Variants in SLC17A8 observed in about 807,000 individuals in gnomAD.
SLC17A8 encodes vesicular glutamate transporter 3.
A neutral mutation model predicts 58.0 loss-of-function variants in SLC17A8; 31 were observed. The observed-to-expected ratio is 0.53, with a 90% CI of 0.40 to 0.72. The LOEUF is 0.72. SLC17A8 is among the 30% of genes least tolerant of loss of function. The pLI, the probability that SLC17A8 is intolerant of heterozygous loss-of-function variation, is 0.00. For missense variants in SLC17A8, 655 were observed against 727.8 expected, an observed-to-expected ratio of 0.90 and a Z score of 1.15; for synonymous variants, 228 against 249.0, an observed-to-expected ratio of 0.92 and a Z score of 0.79.
At chr12:100,390,842 C>G (rs571387122) in intron 2 of SLC17A8, among the ~76,000 whole-genome samples, 159 bp from the exon 3 acceptor site, 1 of 152,168 alleles carries the variant, frequency 6.6e-6, no homozygotes, top group South Asian at 2.1e-4. Context: ...CTTTTGCTTG[C>G]TGCTATCCCC....
At chr12:100,407,573 CAT>C (rs1255256063) in intron 9 of SLC17A8, among the ~76,000 whole-genome samples, 1 of 150,862 alleles carries the variant, frequency 6.6e-6, no homozygotes. Context: ...TTTTCATGTT[CAT>C]ATATATATAT....
rs1220263367 is a variant in SLC17A8, at chr12:100,396,570, G to A, written c.676+153G>A. On this transcript the variant is annotated intron_variant, in intron 5 of 11. Transcript: ENST00000323346. ...TCGAGATCAGCCTGGACAATATAGT[G>A]ACACTTCGTCTTTAAAAAAAAAAAA... Among the ~76,000 whole-genome samples, 5 of 150,522 alleles carry A rather than the reference G, an allele frequency of 3.3e-5. No homozygotes were observed. In the East Asian group the frequency reaches 9.8e-4, roughly 29 times the overall value.
chr12:100,396,281 G>T (rs764740432), intron 4 of SLC17A8, 49 bp from the exon 5 acceptor site: 10 of 1,441,272 alleles, frequency 6.9e-6, no homozygotes, highest in Non-Finnish European at 8.8e-6. Context: ...TTAAACACAA[G>T]CAGAAACTAC....
At chr12:100,390,927 G>T (rs1481781602) in intron 2 of SLC17A8, 74 bp from the exon 3 acceptor site, 1 of 942,618 alleles carries the variant, frequency 1.1e-6, no homozygotes, top group South Asian at 1.3e-5. Context: ...TAATTATTGT[G>T]TAGGCTCATT....
At chr12:100,374,462 A>C (rs751127349) in intron 1 of SLC17A8, among the ~76,000 whole-genome samples, 1 of 152,102 alleles carries the variant, frequency 6.6e-6, no homozygotes, top group Non-Finnish European at 1.5e-5. Flanking sequence ...AAATACAAAA[A>C]TTAGCCGGGC....
chr12:100,386,600 G>A (rs976366618), intron 2 of SLC17A8, among the ~76,000 whole-genome samples: 3 of 151,812 alleles, frequency 2.0e-5, no homozygotes, highest in African/African-American at 7.3e-5. Flanking sequence ...TGAGTGTAAT[G>A]TCCTCCAGGT....
chr12:100,365,748 A>T (rs1952515908), intron 1 of SLC17A8, among the ~76,000 whole-genome samples: 1 of 152,220 alleles, frequency 6.6e-6, no homozygotes. Flanking sequence ...TCTGGAGCAC[A>T]CATGTCTTAC....
rs147464013 is a variant in SLC17A8 at position 100,416,725 on chromosome 12, C to T, written c.1298-1304C>T. 1.1e-4 allele frequency among the ~76,000 whole-genome samples: 16 copies of T among 152,260 alleles called. No homozygotes were observed. In the East Asian group the frequency reaches 1.5e-3, roughly 15 times the overall value. On this transcript the variant is annotated intron_variant, in intron 10 of 11. Transcript: ENST00000323346. ...TCAGGGGAGATGGTGGTAAACAAGA[C>T]GGATGGCTAACCACCTGTAAAGAGC...
chr12:100,358,278 G>C (rs1566382620), intron 1 of SLC17A8, among the ~76,000 whole-genome samples: 1 of 152,120 alleles, frequency 6.6e-6, no homozygotes, highest in Admixed American at 6.5e-5. Context: ...TTATCTCTCT[G>C]ATATAAATAA....
Position 100,357,422 on chromosome 12 carries a change from G to T in SLC17A8, c.31G>T (p.Glu11Ter), listed in dbSNP as rs371908574. The T allele has an allele frequency of 1.2e-6, 2 of 1,613,476 alleles. No individual in the cohort carries two copies. Among genetic ancestry groups the T allele is most frequent in the Non-Finnish European group, 1.7e-6 (2 of 1,179,508 alleles). Residue 11 changes from glutamate to a stop codon, truncating the protein, a stop_gained, in exon 1 of 12, where the codon GAA becomes TAA. Transcript: ENST00000323346. LOFTEE classifies it high-confidence loss of function. Reference protein sequence around the residue: MPFKAFDTFKEKILKPGKEGV... With the variant: MPFKAFDTFK ...TTTTAAAGCATTTGATACCTTCAAA[G>T]AAAAAATTCTGAAACCTGGGAAGGA...
At chr12:100,385,027 T>G (rs575684388) in intron 2 of SLC17A8, among the ~76,000 whole-genome samples, 1 of 152,214 alleles carries the variant, frequency 6.6e-6, no homozygotes, top group East Asian at 1.9e-4. Flanking sequence ...CCTGACTCTG[T>G]GACTCCGTGG....
At chr12:100,409,197 G>C (rs76513606) in intron 9 of SLC17A8, among the ~76,000 whole-genome samples, 1 of 127,304 alleles carries the variant, frequency 7.9e-6, no homozygotes, top group Non-Finnish European at 1.7e-5. Flanking sequence ...ATGTATGTAT[G>C]TATTTAGAGA....
chr12:100,394,398 CTTTTT>C (rs34047250), intron 4 of SLC17A8, among the ~76,000 whole-genome samples: 2 of 112,756 alleles, frequency 1.8e-5, no homozygotes, highest in Non-Finnish European at 1.9e-5. Context: ...ACATCTTTTC[CTTTTT>C]TTTTTTTTTT....
intron 1 of SLC17A8, among the ~76,000 whole-genome samples, chr12:100,367,271 A>T (rs1018655059): frequency 6.6e-6 from 1 of 152,256 alleles, no homozygotes; most frequent in African/African-American, 2.4e-5. Flanking sequence ...AACATTAAAG[A>T]TATAACAATT....
chr12:100,394,124 A>G (rs1256941037), intron 4 of SLC17A8, among the ~76,000 whole-genome samples: 1 of 152,176 alleles, frequency 6.6e-6, no homozygotes, highest in Non-Finnish European at 1.5e-5. Flanking sequence ...TTTAAAATGT[A>G]AAAAACATTC....
At chr12:100,375,896 A>G (rs762188567) in intron 1 of SLC17A8, among the ~76,000 whole-genome samples, 2 of 152,204 alleles carry the variant, frequency 1.3e-5, no homozygotes, top group Non-Finnish European at 2.9e-5. Context: ...CTTCATATGG[A>G]TCTGCCCAAA....
At chr12:100,375,392 A>T (rs1952587975) in intron 1 of SLC17A8, among the ~76,000 whole-genome samples, 4 of 152,092 alleles carry the variant, frequency 2.6e-5, no homozygotes, top group Admixed American at 2.6e-4. Flanking sequence ...GCTAGGTGGG[A>T]AGACTTTCAG....
intron 1 of SLC17A8, among the ~76,000 whole-genome samples, chr12:100,358,807 G>A: frequency 6.6e-6 from 1 of 152,152 alleles, no homozygotes; most frequent in East Asian, 1.9e-4. Flanking sequence ...AGCTTAATTG[G>A]CTTATTCAAG....
At chr12:100,384,471 C>T (rs11110360) in intron 2 of SLC17A8, among the ~76,000 whole-genome samples, 10,397 of 152,090 alleles carry the variant, frequency 0.068, 669 homozygotes, top group African/African-American at 0.16. Flanking sequence ...GACATGGTGG[C>T]GCACACCTGT....
Sources: gnomAD v4.1 joint callset for allele counts (sites outside exome capture counted in the v4.1 genomes callset) on GRCh38, gnomAD v4.1.1 for gene constraint, MANE v1.5 for transcripts, NCBI Gene and HGNC (gene_info 2026-07-23, HGNC 2026-07-21) for gene names.